KCNH6: variants seen among roughly 807,000 people sequenced by gnomAD.
The protein encoded by KCNH6 is potassium voltage-gated channel subfamily H member 6.
In KCNH6, 81 loss-of-function variants were observed where a neutral mutation model predicts 83.4. The observed-to-expected ratio is 0.97, with a 90% confidence interval of 0.81 to 1.17. The LOEUF is 1.17. Ranked by LOEUF, KCNH6 falls within the 50% of genes most tolerant of loss-of-function variation. The pLI is 0.00. For missense variants in KCNH6, 1,203 were observed against 1,290.5 expected (o/e 0.93, Z 1.04); for synonymous variants, 503 against 545.6 (o/e 0.92, Z 1.09).
chr17:63,533,902 C>A lies in KCNH6; in HGVS notation c.692C>A (p.Ala231Glu). ...CACCCCCAGGTCCTGTCCCTGGGCG[C>A]GGATGTGCTGCCGGAGTACAAGCTG... is the stretch of plus-strand genomic sequence containing the variant. ...EKVTQVLSLG[A>E]DVLPEYKLQA... is the part of the protein sequence containing the mutation. Residue 231 changes from alanine to glutamate, a missense_variant, in exon 5 of 13, where the codon GCG (alanine) becomes GAG (glutamate). Coordinates refer to ENST00000314672, the MANE Select transcript of KCNH6 (RefSeq NM_001278919.2). The surrounding 1 kb of genome is among the most constrained non-coding windows in gnomAD (Gnocchi z 4.1). 2 of 1,613,416 alleles carry A rather than the reference C, an allele frequency of 1.2e-6. No homozygotes were observed. The highest frequency in any genetic ancestry group is 8.5e-7 in the Non-Finnish European group (1 of 1,179,740).
intron 9 of KCNH6, among the ~76,000 whole-genome samples, chr17:63,543,098 G>A (rs1214984841): frequency 6.6e-6 from 1 of 152,264 alleles, no homozygotes; most frequent in Non-Finnish European, 1.5e-5. Flanking sequence ...ATGGGAAGAA[G>A]GGAGTGTGCA....
At chr17:63,531,247 C>T (rs1394852049) in intron 4 of KCNH6, among the ~76,000 whole-genome samples, 3 of 152,250 alleles carry the variant, frequency 2.0e-5, no homozygotes, top group African/African-American at 4.8e-5. Flanking sequence ...GCCCGAGGCT[C>T]CAGTGACCAC....
chr17:63,533,850 G>A lies in KCNH6; in HGVS notation c.676-36G>A. The A allele has an allele frequency of 6.3e-7, 1 of 1,585,110 alleles. No individual in the cohort carries two copies. Among genetic ancestry groups the A allele is most frequent in the Non-Finnish European group, 8.6e-7 (1 of 1,165,694 alleles). ...TAGGCCAGTCTCACCAGCAGTGGCT[G>A]CCCCGTGCCTGACCTCCCTCGGCCC... On this transcript the variant is annotated intron_variant, in intron 4 of 12. Transcript: ENST00000314672. This position sits in a 1 kb window ranked among gnomAD's most constrained non-coding sequence, Gnocchi z 4.1.
At position 63,538,372 on chromosome 17, in the gene KCNH6, C is replaced by A. The variant is rs753665656; in HGVS notation, c.1702-38C>A. 6.3e-7 allele frequency: 1 copy of A among 1,588,610 alleles called. No homozygotes were observed. The highest frequency in any genetic ancestry group is 1.1e-5 in the South Asian group (1 of 88,698). ...ACCACCCTCTCCCCCAGCCCCACCCCGGCCGCGTCCCGCTGGACTTGGCCG... is the reference window on the plus strand; with the variant it reads ...ACCACCCTCTCCCCCAGCCCCACCCAGGCCGCGTCCCGCTGGACTTGGCCG... On this transcript the variant is annotated intron_variant, in intron 7 of 12. Coordinates refer to ENST00000314672, the MANE Select transcript of KCNH6 (RefSeq NM_001278919.2). This position sits in a 1 kb window ranked among gnomAD's most constrained non-coding sequence, Gnocchi z 4.0.
In KCNH6 at chr17:63,536,073, G is replaced by A. The variant is rs1033473684; in HGVS notation, c.1501+5G>A. ...TCTGCGTCATGCTCATCGGCTGTGAGTGAGACCTCATGCCACGGCCTAACT... is the reference window on the plus strand; with the variant it reads ...TCTGCGTCATGCTCATCGGCTGTGAATGAGACCTCATGCCACGGCCTAACT... On this transcript the variant is annotated splice_donor_5th_base_variant and intron_variant, in intron 6 of 12. Transcript: ENST00000314672. The A allele has an allele frequency of 2.5e-6, 4 of 1,611,916 alleles. No homozygotes were observed. The highest frequency in any genetic ancestry group is 1.1e-5 in the South Asian group (1 of 90,974).
At chr17:63,524,435 T>A in intron 2 of KCNH6, 66 bp downstream of exon 2, 1 of 1,448,782 alleles carries the variant, frequency 6.9e-7, no homozygotes, top group Non-Finnish European at 9.6e-7. Context: ...CCAGCCAGGG[T>A]GGCCTTGGGG....
At chr17:63,540,735 C>T (rs777229777) in intron 8 of KCNH6, among the ~76,000 whole-genome samples, 10 of 152,314 alleles carry the variant, frequency 6.6e-5, no homozygotes, top group South Asian at 2.1e-4. Flanking sequence ...AGCCTCCACC[C>T]ATCCTTCTGT....
intron 2 of KCNH6, among the ~76,000 whole-genome samples, chr17:63,529,764 A>G (rs576025911): frequency 1.3e-5 from 2 of 151,540 alleles, no homozygotes; most frequent in Non-Finnish European, 2.9e-5. Context: ...CACTTAATCC[A>G]CCCCCATCTG....
Position 63,535,929 on chromosome 17 carries a change from C to T in KCNH6, c.1362C>T (p.Ala454=), listed in dbSNP as rs781297953. 1.9e-5 allele frequency: 30 copies of T among 1,613,898 alleles called. No individual in the cohort carries two copies. The highest frequency in any genetic ancestry group is 2.5e-5 in the Non-Finnish European group (30 of 1,180,058). ...AGCGCTACAACGGCAGCGACCCAGC[C>T]TCGGGCCCCTCGGTGCAGGACAAGT... ...LGKRYNGSDP[A]SGPSVQDKYV... Residue 454 remains alanine (A), a synonymous_variant, in exon 6 of 13, where the codon GCC becomes GCT. Coordinates refer to ENST00000314672, the MANE Select transcript of KCNH6 (RefSeq NM_001278919.2). The surrounding 1 kb of genome is among the most constrained non-coding windows in gnomAD (Gnocchi z 4.9).
chr17:63,544,988 A>C, intron 11 of KCNH6, 90 bp from the exon 12 acceptor site: 1 of 1,305,486 alleles, frequency 7.7e-7, no homozygotes, highest in Non-Finnish European at 1.1e-6. Context: ...TCCATCTAGC[A>C]GGAACAGCAC....
chr17:63,526,605 C>T (rs948066771), intron 2 of KCNH6, among the ~76,000 whole-genome samples: 1 of 152,058 alleles, frequency 6.6e-6, no homozygotes, highest in African/African-American at 2.4e-5. Context: ...TATTCATGTA[C>T]ACTTACAGTC....
chr17:63,540,413 C>T (rs2032791685), intron 8 of KCNH6, among the ~76,000 whole-genome samples: 1 of 151,442 alleles, frequency 6.6e-6, no homozygotes, highest in Non-Finnish European at 1.5e-5. Context: ...GCCTGGGTGG[C>T]AGAGCGAGAC....
At position 63,545,971 on chromosome 17, in the gene KCNH6, T is replaced by C. The variant is rs905939792; in HGVS notation, c.*69T>C. ...GTGAGAGTTAAGGATCTTGGGGAGGTGGCCGGGTGCAGTGGCTCGCCTGTA... is the reference window on the plus strand; with the variant it reads ...GTGAGAGTTAAGGATCTTGGGGAGGCGGCCGGGTGCAGTGGCTCGCCTGTA... On this transcript the variant is annotated 3_prime_UTR_variant, in exon 13 of 13. Coordinates refer to ENST00000314672, the MANE Select transcript of KCNH6 (RefSeq NM_001278919.2). The C allele has an allele frequency of 1.3e-6, 2 of 1,495,862 alleles. No individual in the cohort carries two copies. Among genetic ancestry groups the C allele is most frequent in the Non-Finnish European group, 1.8e-6 (2 of 1,095,058 alleles). The allele number at this position is 1,495,862 out of a possible 1,614,324, so 92.7% of individuals were successfully genotyped here. A position where few individuals can be genotyped will look rare whatever the true frequency, so the allele number is the denominator to read the frequency against.
chr17:63,527,272 G>A (rs1287862340), intron 2 of KCNH6, among the ~76,000 whole-genome samples: 2 of 152,182 alleles, frequency 1.3e-5, no homozygotes, highest in Non-Finnish European at 2.9e-5. Context: ...TGAATGCCAG[G>A]AGGACCAAGC....
chr17:63,537,913 G>A (rs1191827742), intron 6 of KCNH6, 152 bp from the exon 7 acceptor site: 4 of 709,050 alleles, frequency 5.6e-6, no homozygotes, highest in Non-Finnish European at 9.3e-6. Flanking sequence ...TGTCCCGCAT[G>A]TGCCCTGGCG....
chr17:63,538,427 C>T lies in KCNH6; in HGVS notation c.1719C>T (p.Pro573=), dbSNP rs771445825. The T allele has an allele frequency of 3.1e-6, 5 of 1,600,436 alleles. No individual in the cohort carries two copies. Among genetic ancestry groups the T allele is most frequent in the Middle Eastern group, 1.7e-4 (1 of 5,970 alleles). ...IDMNAVLKGF[P]ECLQADICLH... ...CCTTGCAGGTGCTGAAGGGCTTCCC[C>T]GAGTGCCTGCAGGCTGACATCTGCC... The change falls in exon 8 of 13, where the codon CCC becomes CCT. Residue 573 remains proline (P), a synonymous_variant. Coordinates refer to ENST00000314672, the MANE Select transcript of KCNH6 (RefSeq NM_001278919.2). The surrounding 1 kb of genome is among the most constrained non-coding windows in gnomAD (Gnocchi z 4.0).
At chr17:63,525,712 T>A (rs1023922681) in intron 2 of KCNH6, among the ~76,000 whole-genome samples, 3 of 151,910 alleles carry the variant, frequency 2.0e-5, no homozygotes, top group African/African-American at 7.3e-5. Flanking sequence ...CTTGAGTGAG[T>A]GGCAGTGGGA....
chr17:63,539,644 G>T (rs751853769), intron 8 of KCNH6, among the ~76,000 whole-genome samples: 19 of 152,252 alleles, frequency 1.2e-4, no homozygotes, highest in Non-Finnish European at 2.6e-4. Flanking sequence ...GTCTGCCAAG[G>T]GGGCATCCTA....
At chr17:63,527,739 A>G (rs2031812879) in intron 2 of KCNH6, among the ~76,000 whole-genome samples, 1 of 152,136 alleles carries the variant, frequency 6.6e-6, no homozygotes, top group Non-Finnish European at 1.5e-5. Flanking sequence ...TTGGTCACCT[A>G]GATGTGGGCT....
Sources: gnomAD v4.1 joint callset for allele counts (sites outside exome capture counted in the v4.1 genomes callset) on GRCh38, gnomAD v4.1.1 for gene constraint, Gnocchi (gnomAD v3.1) non-coding constraint, MANE v1.5 for transcripts, NCBI Gene and HGNC (gene_info 2026-07-23, HGNC 2026-07-21) for gene names.